The following RAB40A variants were observed in gnomAD, a reference collection of about 807,000 sequenced individuals.
RAB40A encodes ras-related protein Rab-40A.
For missense variants in RAB40A, 145 were observed against 230.2 expected (o/e 0.63, Z 2.40); for synonymous variants, 65 against 99.9 (o/e 0.65, Z 2.08).
At chrX:103,510,818 C>CT (rs1042199547) in intron 2 of RAB40A, among the ~76,000 whole-genome samples, 8 of 112,283 alleles carry the variant, frequency 7.1e-5, no homozygotes, top group African/African-American at 2.6e-4. Flanking sequence ...GACACTGATA[C>CT]TTAGAATGAG....
At chrX:103,513,498 T>C (rs1281694158) in intron 2 of RAB40A, among the ~76,000 whole-genome samples, 6 of 110,912 alleles carry the variant, frequency 5.4e-5, no homozygotes, top group Non-Finnish European at 7.5e-5. Context: ...AAAGAAAATA[T>C]ACACATGCCA....
At chrX:103,513,096 C>T (rs1358332351) in intron 2 of RAB40A, among the ~76,000 whole-genome samples, 6 of 111,630 alleles carry the variant, frequency 5.4e-5, no homozygotes, top group Admixed American at 3.8e-4. Flanking sequence ...TACAGACACC[C>T]GGGGGAAGGG....
At chrX:103,498,485 A>T (rs2073197332), downstream of RAB40A, among the ~76,000 whole-genome samples, 2 of 112,975 alleles carry the variant, frequency 1.8e-5, no homozygotes, top group African/African-American at 6.4e-5. Flanking sequence ...TGTGCAGCTC[A>T]GCATCACAGT....
the RAB40A span, among the ~76,000 whole-genome samples, chrX:103,493,725 A>G: frequency 8.9e-6 from 1 of 111,905 alleles, no homozygotes. Flanking sequence ...TAACATAATG[A>G]CTTCCAGTTC....
At position 103,499,598 on chromosome X, in the gene RAB40A, T is replaced by C. The variant is rs2073209786; in HGVS notation, c.*325A>G. On this transcript the variant is annotated 3_prime_UTR_variant, in exon 3 of 3. Transcript: ENST00000304236. ...CATATCACCATTCTAACAAAGGCGGTTATTTTAAGGAAAAAGTTGCAGCGT... is the reference window on the plus strand; with the variant it reads ...CATATCACCATTCTAACAAAGGCGGCTATTTTAAGGAAAAAGTTGCAGCGT... 1 of 335,488 alleles carries C rather than the reference T, an allele frequency of 3.0e-6. No homozygotes were observed. Among genetic ancestry groups the C allele is most frequent in the Non-Finnish European group, 5.3e-6 (1 of 189,428 alleles). 27.6% of individuals were successfully genotyped at this position (335,488 alleles called of 1,213,427 possible).
In RAB40A at chrX:103,499,555, A is replaced by G. The variant is rs759781512; in HGVS notation, c.*368T>C. 1.1e-4 allele frequency: 29 copies of G among 270,129 alleles called. No individual in the cohort carries two copies. The South Asian group carries it at 1.2e-3, about 12-fold the overall frequency. 22.3% of individuals were successfully genotyped at this position (270,129 alleles called of 1,213,427 possible). ...ATCATTGCTTCTCAAATTTCCTTGA[A>G]TTTATACTCATCATTGCCATATCAC... On this transcript the variant is annotated 3_prime_UTR_variant, in exon 3 of 3. Transcript: ENST00000304236.
intron 2 of RAB40A, among the ~76,000 whole-genome samples, chrX:103,514,907 T>C (rs752916987): frequency 4.5e-5 from 5 of 112,190 alleles, no homozygotes; most frequent in Non-Finnish European, 9.4e-5. Context: ...ATTATGTTTG[T>C]ATATTACCCC....
chrX:103,504,217 A>T (rs2073242998), intron 2 of RAB40A, among the ~76,000 whole-genome samples: 1 of 111,222 alleles, frequency 9.0e-6, no homozygotes, highest in Admixed American at 9.6e-5. Context: ...TTGAAAAACT[A>T]TTGGGTACTA....
downstream of RAB40A, among the ~76,000 whole-genome samples, chrX:103,496,338 G>A (rs2073171291): frequency 8.9e-6 from 1 of 112,211 alleles, no homozygotes; most frequent in Non-Finnish European, 1.9e-5. Flanking sequence ...TCATATAGTT[G>A]TGATAGTTTA....
chrX:103,514,911 T>C lies in RAB40A; in HGVS notation c.-71+2463A>G, dbSNP rs1333155536. 2.7e-5 allele frequency among the ~76,000 whole-genome samples: 3 copies of C among 112,160 alleles called. No homozygotes were observed. The East Asian group carries it at 8.3e-4, about 31-fold the overall frequency. On this transcript the variant is annotated intron_variant, in intron 2 of 2. Transcript: ENST00000304236. ...AAAAAAAGAGTATTATGTTTGTATA[T>C]TACCCCCATTATACTCTGTATGTAT...
At chrX:103,510,345 C>G (rs2073282667) in intron 2 of RAB40A, among the ~76,000 whole-genome samples, 1 of 111,971 alleles carries the variant, frequency 8.9e-6, no homozygotes, top group Admixed American at 9.5e-5. Context: ...ACTACGAGCA[C>G]CAAATGACTC....
chrX:103,496,874 C>T (rs1254374056), downstream of RAB40A, among the ~76,000 whole-genome samples: 2 of 111,828 alleles, frequency 1.8e-5, no homozygotes, highest in Admixed American at 9.5e-5. Flanking sequence ...TTTGTCATTG[C>T]GGGGGAAGCT....
downstream of RAB40A, among the ~76,000 whole-genome samples, chrX:103,495,482 T>G (rs1233237123): frequency 9.0e-6 from 1 of 111,448 alleles, no homozygotes; most frequent in Admixed American, 9.6e-5. Context: ...TTACCCATCC[T>G]GCTTGAATGC....
intron 2 of RAB40A, among the ~76,000 whole-genome samples, chrX:103,515,915 C>T (rs1300866265): frequency 1.8e-5 from 2 of 112,347 alleles, no homozygotes; most frequent in Non-Finnish European, 3.8e-5. Context: ...AAGATCTCCC[C>T]TTGAACATGT....
At chrX:103,509,810 C>CT (rs201376749) in intron 2 of RAB40A, among the ~76,000 whole-genome samples, 7,384 of 95,386 alleles carry the variant, frequency 0.077, 791 homozygotes, top group African/African-American at 0.26. Flanking sequence ...TGAAATATTC[C>CT]TTTTTTTTTT....
chrX:103,514,564 T>A (rs2073307090), intron 2 of RAB40A, among the ~76,000 whole-genome samples: 1 of 111,217 alleles, frequency 9.0e-6, no homozygotes, highest in South Asian at 3.9e-4. Flanking sequence ...TTGCCCAGGC[T>A]GGTCTCAAAC....
intron 2 of RAB40A, among the ~76,000 whole-genome samples, chrX:103,513,844 G>A (rs1336325873): frequency 9.1e-6 from 1 of 110,179 alleles, no homozygotes; most frequent in Non-Finnish European, 1.9e-5. Flanking sequence ...AATAGCCACT[G>A]CACTCCAGCC....
In RAB40A at chrX:103,500,043, G is replaced by A. The variant is rs1274831791; in HGVS notation, c.714C>T (p.Gly238=). The A allele has an allele frequency of 8.3e-7, 1 of 1,211,884 alleles. No homozygotes were observed. The highest frequency in any genetic ancestry group is 1.1e-6 in the Non-Finnish European group (1 of 895,432). The part of the protein sequence containing the change: ...AKGLNARMMR[G]LSYSLTTSST... ...AGCTGGTGGTGAGGGAGTAGGAGAG[G>A]CCTCGCATCATCCTGGCATTCAGGC... The change falls in exon 3 of 3, where the codon GGC becomes GGT. Residue 238 remains glycine, a synonymous_variant. Coordinates refer to ENST00000304236, the MANE Select transcript of RAB40A (RefSeq NM_080879.3).
chrX:103,512,802 T>C (rs2073297601), intron 2 of RAB40A, among the ~76,000 whole-genome samples: 1 of 111,897 alleles, frequency 8.9e-6, no homozygotes, highest in African/African-American at 3.2e-5. Flanking sequence ...TGAAAAAAAA[T>C]TCAAATCTTG....
Sources: allele counts gnomAD v4.1 joint callset (sites outside exome capture counted in the v4.1 genomes callset), GRCh38; gene constraint gnomAD v4.1.1; transcripts MANE v1.5; gene names NCBI Gene and HGNC (gene_info 2026-07-23, HGNC 2026-07-21).